Variants in RPS6KA5 observed in about 807,000 individuals in gnomAD.
RPS6KA5 encodes the protein ribosomal protein S6 kinase A5.
RPS6KA5 carries 27 observed loss-of-function variants against 85.5 expected under a neutral mutation model. The observed-to-expected ratio is 0.32, with a 90% CI of 0.23 to 0.44. The LOEUF (loss-of-function observed/expected upper bound fraction) is 0.44, where lower values mean the gene tolerates loss of function less well. RPS6KA5 is among the 20% of genes least tolerant of loss of function. RPS6KA5 has a pLI of 1.00. For missense variants in RPS6KA5, 811 were observed against 980.9 expected, an observed-to-expected ratio of 0.83 and a Z score of 2.31; for synonymous variants, 334 against 348.2, an observed-to-expected ratio of 0.96 and a Z score of 0.46.
chr14:90,946,119 T>C (rs1050786950), intron 4 of RPS6KA5, among the ~76,000 whole-genome samples: 3 of 152,228 alleles, frequency 2.0e-5, no homozygotes, highest in African/African-American at 7.2e-5. Flanking sequence ...TTGGGTCCAA[T>C]AGTTTCTTGT....
chr14:90,971,300 G>A (rs1011046987), intron 3 of RPS6KA5, among the ~76,000 whole-genome samples: 1 of 152,114 alleles, frequency 6.6e-6, no homozygotes, highest in African/African-American at 2.4e-5. Context: ...CTAGGCGACA[G>A]TGAACTCCAT....
At chr14:90,881,738 C>T (rs878888876) in intron 14 of RPS6KA5, among the ~76,000 whole-genome samples, 4 of 151,932 alleles carry the variant, frequency 2.6e-5, no homozygotes, top group African/African-American at 7.2e-5. Context: ...TGACCTCAAG[C>T]GACTCGCCTG....
chr14:90,951,812 T>C (rs1336341882), intron 3 of RPS6KA5, among the ~76,000 whole-genome samples: 1 of 152,160 alleles, frequency 6.6e-6, no homozygotes, highest in Admixed American at 6.5e-5. Context: ...ATATTCCCCA[T>C]TCTGAGCCCA....
At chr14:91,041,859 G>A (rs2042616246) in intron 1 of RPS6KA5, among the ~76,000 whole-genome samples, 4 of 152,302 alleles carry the variant, frequency 2.6e-5, no homozygotes, top group South Asian at 2.1e-4. Context: ...ATATCCAACC[G>A]ATTTTGGAAT....
At chr14:90,914,104 T>C (rs1364580324) in intron 7 of RPS6KA5, among the ~76,000 whole-genome samples, 1 of 152,030 alleles carries the variant, frequency 6.6e-6, no homozygotes, top group African/African-American at 2.4e-5. Context: ...AGGCTGACCT[T>C]TTAGACTCTG....
intron 14 of RPS6KA5, among the ~76,000 whole-genome samples, chr14:90,883,293 AT>A (rs2033975363): frequency 6.6e-6 from 1 of 151,916 alleles, no homozygotes; most frequent in African/African-American, 2.4e-5. Context: ...ATGGCATCCT[AT>A]GGTTCCTTAG....
intron 5 of RPS6KA5, among the ~76,000 whole-genome samples, chr14:90,925,498 T>C (rs368798094): frequency 3.3e-5 from 5 of 152,022 alleles, no homozygotes; most frequent in Admixed American, 3.3e-4. Flanking sequence ...CTGCACGGTG[T>C]GGGGAAGTAG....
At position 90,978,336 on chromosome 14, in the gene RPS6KA5, G is replaced by A; in HGVS notation, c.364C>T (p.Gln122Ter). 1 of 1,608,374 alleles carries A rather than the reference G, an allele frequency of 6.2e-7. No individual in the cohort carries two copies. Among genetic ancestry groups the A allele is most frequent in the East Asian group, 2.2e-5 (1 of 44,774 alleles). ...ATGAGATGAAGTTTGGTTTCTGTCT[G>A]GAAAGCATAATGTAATGTTACCAAA... ...PFLVTLHYAFQTETKLHLILD... is the reference protein window; with the variant it reads ...PFLVTLHYAF Residue 122 changes from glutamine to a stop codon, truncating the protein, a stop_gained, in exon 3 of 17, where the codon CAG becomes TAG. Coordinates refer to ENST00000614987, the MANE Select transcript of RPS6KA5 (RefSeq NM_004755.4). LOFTEE classifies it high-confidence loss of function.
intron 14 of RPS6KA5, among the ~76,000 whole-genome samples, chr14:90,886,626 G>C (rs1342140514): frequency 1.3e-5 from 2 of 152,224 alleles, no homozygotes; most frequent in South Asian, 2.1e-4. Flanking sequence ...GTGGCCATCT[G>C]TAATCCAAAG....
intron 7 of RPS6KA5, among the ~76,000 whole-genome samples, chr14:90,911,913 A>G (rs2035839154): frequency 6.6e-6 from 1 of 152,206 alleles, no homozygotes; most frequent in African/African-American, 2.4e-5. Context: ...TTACAAGATC[A>G]CGAACCCAAT....
chr14:90,910,069 C>A (rs1338381202), intron 7 of RPS6KA5, among the ~76,000 whole-genome samples: 1 of 151,228 alleles, frequency 6.6e-6, no homozygotes, highest in Non-Finnish European at 1.5e-5. Flanking sequence ...AGCCACCGTG[C>A]CCGGCCAAAA....
intron 5 of RPS6KA5, among the ~76,000 whole-genome samples, chr14:90,925,599 C>A (rs77167966): frequency 6.6e-6 from 1 of 152,094 alleles, no homozygotes; most frequent in African/African-American, 2.4e-5. Context: ...TCCTATAAAG[C>A]GCTGATGTCT....
At position 90,870,892 on chromosome 14, in the gene RPS6KA5, A is replaced by G. The variant is rs2033065565; in HGVS notation, c.*1182T>C. ...TCTTTTAATGAAATGTTTTCATCAC[A>G]TAGTACTTGTTTTCTGTATGAATTC... is the stretch of plus-strand genomic sequence containing the variant. On this transcript the variant is annotated 3_prime_UTR_variant, in exon 17 of 17. Coordinates refer to ENST00000614987, the MANE Select transcript of RPS6KA5 (RefSeq NM_004755.4). The G allele has an allele frequency of 6.7e-6, 1 of 149,004 alleles. No homozygotes were observed. The allele number at this position is 149,004 out of a possible 1,614,324, so 9.2% of individuals were successfully genotyped here. A position where few individuals can be genotyped will look rare whatever the true frequency, so the allele number is the denominator to read the frequency against.
chr14:90,904,295 G>A (rs1047084603), intron 8 of RPS6KA5, among the ~76,000 whole-genome samples: 1 of 152,080 alleles, frequency 6.6e-6, no homozygotes, highest in South Asian at 2.1e-4. Context: ...CACTGCGCCT[G>A]GCCCATAAAA....
At chr14:90,872,954 C>G (rs1227867255) in intron 16 of RPS6KA5, among the ~76,000 whole-genome samples, 2 of 152,200 alleles carry the variant, frequency 1.3e-5, no homozygotes, top group African/African-American at 4.8e-5. Context: ...GATAGAAATT[C>G]TTGCAGTTAA....
intron 1 of RPS6KA5, among the ~76,000 whole-genome samples, chr14:91,032,918 A>G (rs1437200078): frequency 6.6e-6 from 1 of 152,090 alleles, no homozygotes; most frequent in East Asian, 1.9e-4. Flanking sequence ...TCACACCTGT[A>G]ATCCCAGTAC....
intron 12 of RPS6KA5, among the ~76,000 whole-genome samples, chr14:90,898,962 T>C (rs949344067): frequency 2.0e-5 from 3 of 152,158 alleles, no homozygotes; most frequent in African/African-American, 7.2e-5. Flanking sequence ...AGTTGGAGGC[T>C]CAAAATTCCT....
intron 8 of RPS6KA5, among the ~76,000 whole-genome samples, chr14:90,904,174 C>G (rs751177097): frequency 6.6e-5 from 10 of 152,172 alleles, no homozygotes; most frequent in Non-Finnish European, 1.5e-4. Flanking sequence ...TGGTCTCGAT[C>G]TCCTGACCTA....
intron 3 of RPS6KA5, among the ~76,000 whole-genome samples, chr14:90,957,980 AAAAAAATAAAAAT>A (rs1333694139): frequency 2.0e-5 from 3 of 151,936 alleles, no homozygotes; most frequent in Non-Finnish European, 2.9e-5. Flanking sequence ...CTTCCCTAGA[AAAAAAATAAAAAT>A]AAAAAATAAA....
Sources: allele counts gnomAD v4.1 joint callset (sites outside exome capture counted in the v4.1 genomes callset), GRCh38; gene constraint gnomAD v4.1.1; transcripts MANE v1.5; gene names NCBI Gene and HGNC (gene_info 2026-07-23, HGNC 2026-07-21).